The following TTC7B variants were observed in gnomAD, a reference collection of about 807,000 sequenced individuals.
TTC7B encodes tetratricopeptide repeat domain 7B.
Under a neutral mutation model 106.8 loss-of-function variants are expected in TTC7B, and 28 were observed. That is an observed-to-expected ratio of 0.26 (90% confidence interval 0.19 to 0.36). The LOEUF (loss-of-function observed/expected upper bound fraction) is 0.36, where lower values mean the gene tolerates loss of function less well. TTC7B is among the 10% of genes least tolerant of loss of function. The pLI, the probability that TTC7B is intolerant of heterozygous loss-of-function variation, is 1.00. For synonymous variants in TTC7B, 405 were observed against 430.6 expected (o/e 0.94, Z 0.74); for missense variants, 862 against 1,076.4 (o/e 0.80, Z 2.79).
intron 18 of TTC7B, among the ~76,000 whole-genome samples, chr14:90,592,679 A>C (rs1004043349): frequency 5.2e-4 from 79 of 151,742 alleles, no homozygotes; most frequent in African/African-American, 1.9e-3. Context: ...ACTGCACTCC[A>C]GCCTGGGTGA....
rs1482928852 is a variant in TTC7B at position 90,812,554 on chromosome 14, G to A, written c.121+3621C>T. On this transcript the variant is annotated intron_variant, in intron 1 of 19. Coordinates refer to ENST00000328459, the MANE Select transcript of TTC7B (RefSeq NM_001010854.2). ...AATCCGCATTTCTCACAGGTTCCCG[G>A]TGGTGCCCCTGCCACTCATCCCCAG... Among the ~76,000 whole-genome samples the A allele has an allele frequency of 1.1e-4, 16 of 152,204 alleles. No homozygotes were observed. In the East Asian group the frequency reaches 3.1e-3, roughly 29 times the overall value.
intron 18 of TTC7B, among the ~76,000 whole-genome samples, chr14:90,591,265 C>T (rs1891947285): frequency 6.6e-6 from 1 of 152,166 alleles, no homozygotes; most frequent in African/African-American, 2.4e-5. Context: ...TGCTTGAACC[C>T]AGCAGGCAGA....
chr14:90,703,124 G>A (rs1888061808), intron 5 of TTC7B, among the ~76,000 whole-genome samples: 1 of 152,202 alleles, frequency 6.6e-6, no homozygotes, highest in African/African-American at 2.4e-5. Flanking sequence ...AGAGCTGGAA[G>A]ACAAGCATGA....
chr14:90,716,731 GA>G (rs1313069979), intron 5 of TTC7B, among the ~76,000 whole-genome samples: 2 of 152,122 alleles, frequency 1.3e-5, no homozygotes, highest in Non-Finnish European at 2.9e-5. Context: ...GTATTCTTCA[GA>G]AAAAATATAG....
intron 15 of TTC7B, among the ~76,000 whole-genome samples, chr14:90,625,451 T>G (rs2139858207): frequency 6.6e-6 from 1 of 152,324 alleles, no homozygotes; most frequent in South Asian, 2.1e-4. Flanking sequence ...ATGCTGCTCT[T>G]GGAGCCACTG....
rs1174563628 is a variant in TTC7B, at chr14:90,525,939, TAC to T, written c.*15427_*15428del. On this transcript the variant is annotated 3_prime_UTR_variant, in exon 20 of 20. Transcript: ENST00000328459. ...TTGCTCCCTTAGAATAATACCAACG[TAC>T]AGAGTTGCGATTGGTTAAAAAATAA... The T allele has an allele frequency of 2.8e-5, 4 of 144,294 alleles. 1 individual carries two copies. In the East Asian group the frequency reaches 8.1e-4, roughly 29 times the overall value. The allele number at this position is 144,294 out of a possible 1,614,324, so 8.9% of individuals were successfully genotyped here. A position where few individuals can be genotyped will look rare whatever the true frequency, so the allele number is the denominator to read the frequency against.
chr14:90,555,966 C>A (rs1231937820), intron 19 of TTC7B, among the ~76,000 whole-genome samples: 1 of 152,252 alleles, frequency 6.6e-6, no homozygotes, highest in Non-Finnish European at 1.5e-5. Flanking sequence ...CCCCGGGGTC[C>A]ACATGAGCTC....
At chr14:90,652,806 T>C in intron 13 of TTC7B, 35 bp downstream of exon 13, 1 of 1,611,642 alleles carries the variant, frequency 6.2e-7, no homozygotes, top group East Asian at 2.2e-5. Context: ...GGTGTCATTA[T>C]GTACAGCCGA....
chr14:90,746,820 T>A (rs1276826330), intron 3 of TTC7B, among the ~76,000 whole-genome samples: 2 of 152,244 alleles, frequency 1.3e-5, no homozygotes, highest in Non-Finnish European at 2.9e-5. Context: ...AGTGTATTAT[T>A]TAGTTTCCAA....
chr14:90,728,851 C>A (rs1033938271), intron 5 of TTC7B, among the ~76,000 whole-genome samples: 12 of 152,252 alleles, frequency 7.9e-5, no homozygotes, highest in African/African-American at 2.4e-4. Context: ...CCGTGATGAC[C>A]ACCATTTATC....
intron 19 of TTC7B, among the ~76,000 whole-genome samples, chr14:90,567,153 G>A (rs1335403804): frequency 3.3e-5 from 5 of 152,228 alleles, no homozygotes; most frequent in Admixed American, 3.3e-4. Context: ...GAGCCTGAGG[G>A]TTTTAGACTT....
intron 1 of TTC7B, among the ~76,000 whole-genome samples, chr14:90,814,950 G>A (rs1858981512): frequency 6.6e-6 from 1 of 152,176 alleles, no homozygotes; most frequent in South Asian, 2.1e-4. Flanking sequence ...CATTGAGAGT[G>A]CGCAAAACCA....
chr14:90,593,315 G>A lies in TTC7B; in HGVS notation c.2107+171C>T, dbSNP rs376299567. Among the ~76,000 whole-genome samples the A allele has an allele frequency of 2.5e-4, 38 of 152,364 alleles. No homozygotes were observed. The South Asian group carries it at 3.9e-3, about 16-fold the overall frequency. Reference sequence around the variant, plus strand: ...GGGGATACAGAGTCACTTGCGGTTTGTGCAAAGTAGTAGTAACATTTTGGT... The same window carrying A: ...GGGGATACAGAGTCACTTGCGGTTTATGCAAAGTAGTAGTAACATTTTGGT... On this transcript the variant is annotated intron_variant, in intron 18 of 19. Transcript: ENST00000328459.
At position 90,677,869 on chromosome 14, in the gene TTC7B, T is replaced by C. The variant is rs1282456415; in HGVS notation, c.1015-1209A>G. 3 of 453,094 alleles carry C rather than the reference T, an allele frequency of 6.6e-6. No individual in the cohort carries two copies. In the East Asian group the frequency reaches 2.1e-4, roughly 32 times the overall value. The allele number at this position is 453,094 out of a possible 1,614,324, so 28.1% of individuals were successfully genotyped here. ...AATGTCAAAGACAAATAAGAATATA[T>C]AAGACAGGCCACTTCCTACAAAGTG... On this transcript the variant is annotated intron_variant, in intron 8 of 19. Coordinates refer to ENST00000328459, the MANE Select transcript of TTC7B (RefSeq NM_001010854.2).
At chr14:90,603,233 T>TA (rs1392446994) in intron 17 of TTC7B, 1 of 1,283,820 alleles carries the variant, frequency 7.8e-7, no homozygotes, top group East Asian at 5.6e-5. Context: ...GAAGGATTAA[T>TA]AGATTGGTAA....
In TTC7B at chr14:90,643,491, T is replaced by C. The variant is rs866123712; in HGVS notation, c.1751+557A>G. Among the ~76,000 whole-genome samples the C allele has an allele frequency of 5.9e-5, 9 of 152,158 alleles. No homozygotes were observed. The East Asian group carries it at 9.6e-4, about 16-fold the overall frequency. ...GTCTCATGTGCTCCAATGGTACACA[T>C]TGGGAAAGAGTGGATAAAGTATTTT... On this transcript the variant is annotated intron_variant, in intron 15 of 19. Transcript: ENST00000328459.
At position 90,608,060 on chromosome 14, in the gene TTC7B, T is replaced by TAAACAATCTGTG. The variant is rs1200879848; in HGVS notation, c.1966+2670_1966+2681dup. 1.4e-4 allele frequency among the ~76,000 whole-genome samples: 20 copies of TAAACAATCTGTG among 144,030 alleles called. No homozygotes were observed. The highest frequency in any genetic ancestry group is 4.7e-4 in the African/African-American group (18 of 38,438). 94.5% of individuals were successfully genotyped at this position (144,030 alleles called of 152,430 possible). On this transcript the variant is annotated intron_variant, in intron 17 of 19. Coordinates refer to ENST00000328459, the MANE Select transcript of TTC7B (RefSeq NM_001010854.2). This position sits in a 1 kb window ranked among gnomAD's most constrained non-coding sequence, Gnocchi z 5.1. ...TTCAAATCAAATCAAGGTGAGGGAA[T>TAAACAATCTGTG]AAACAATCTGTGTTGTGGGTGGTTC... is the stretch of plus-strand genomic sequence containing the variant.
chr14:90,698,250 C>A lies in TTC7B; in HGVS notation c.699-2672G>T, dbSNP rs570334199. The A allele has an allele frequency of 1.7e-4, 25 of 151,496 alleles. No individual in the cohort carries two copies. In the East Asian group the frequency reaches 4.9e-3, roughly 29 times the overall value. 9.4% of individuals were successfully genotyped at this position (151,496 alleles called of 1,614,324 possible). A position where few individuals can be genotyped will look rare whatever the true frequency, so the allele number is the denominator to read the frequency against. On this transcript the variant is annotated intron_variant, in intron 5 of 19. Transcript: ENST00000328459. ...TGTTCAAGTACACGGATAATCAGAA[C>A]AAAAAAAAGAGGAAGTTAACTTGCA...
chr14:90,798,732 A>C (rs866836792), intron 1 of TTC7B, among the ~76,000 whole-genome samples: 14 of 147,002 alleles, frequency 9.5e-5, no homozygotes, highest in Non-Finnish European at 1.5e-4. Flanking sequence ...AAAAAAAAAA[A>C]CACGCAATAA....
Sources: allele counts gnomAD v4.1 joint callset (sites outside exome capture counted in the v4.1 genomes callset), GRCh38; gene constraint gnomAD v4.1.1; non-coding constraint Gnocchi (gnomAD v3.1); transcripts MANE v1.5; gene names NCBI Gene and HGNC (gene_info 2026-07-23, HGNC 2026-07-21).